Variants in TACC1 observed in about 807,000 individuals in gnomAD.
TACC1 encodes transforming acidic coiled-coil-containing protein 1.
Under a neutral mutation model 84.4 loss-of-function variants are expected in TACC1, and 48 were observed. That is an observed-to-expected ratio of 0.57 (90% CI 0.45 to 0.72). The LOEUF is 0.72. TACC1 is among the 30% of genes least tolerant of loss of function. The pLI, the probability that TACC1 is intolerant of heterozygous loss-of-function variation, is 0.00. For synonymous variants in TACC1, 372 were observed against 376.3 expected (o/e 0.99, Z 0.13); for missense variants, 920 against 973.0 (o/e 0.95, Z 0.72).
chr8:38,733,506 G>C (rs1805373033), intron 1 of TACC1, among the ~76,000 whole-genome samples: 1 of 152,174 alleles, frequency 6.6e-6, no homozygotes, highest in Non-Finnish European at 1.5e-5. Context: ...GTAGTTATCT[G>C]TTCCCTGGTG....
At chr8:38,838,838 T>C (rs949002886) in intron 8 of TACC1, among the ~76,000 whole-genome samples, 3 of 152,140 alleles carry the variant, frequency 2.0e-5, no homozygotes, top group Non-Finnish European at 4.4e-5. Context: ...TATCAAAATA[T>C]CCATTTGGAA....
At chr8:38,768,103 G>A (rs1053352526) in intron 3 of TACC1, among the ~76,000 whole-genome samples, 2 of 149,526 alleles carry the variant, frequency 1.3e-5, no homozygotes, top group Non-Finnish European at 3.0e-5. Flanking sequence ...AAGGAAGGAA[G>A]GAAGGAAGGA....
chr8:38,762,739 CAGAGT>C (rs1811462997), intron 3 of TACC1, among the ~76,000 whole-genome samples: 2 of 151,974 alleles, frequency 1.3e-5, no homozygotes, highest in African/African-American at 4.8e-5. Context: ...TTATTTTTAG[CAGAGT>C]CAAAGTTTTG....
chr8:38,831,437 G>GA (rs1314480713), intron 6 of TACC1, among the ~76,000 whole-genome samples: 3 of 152,190 alleles, frequency 2.0e-5, no homozygotes, highest in Non-Finnish European at 2.9e-5. Flanking sequence ...TACATGTTGA[G>GA]ATGATAATAT....
chr8:38,827,237 A>T lies in TACC1; in HGVS notation c.1522A>T (p.Lys508Ter). ...NRDGHATDEE[K>*]LASTSCGQKS... The stretch of plus-strand genomic sequence containing the variant: ...GGATGGCCATGCTACTGATGAGGAG[A>T]AACTGGCATCCACGTCATGTGGTCA... Residue 508 changes from lysine (K) to a stop codon, truncating the protein, a stop_gained, in exon 5 of 13, where the codon AAA becomes TAA. Coordinates refer to ENST00000317827, the MANE Select transcript of TACC1 (RefSeq NM_006283.3). LOFTEE classifies it high-confidence loss of function. The T allele has an allele frequency of 6.2e-7, 1 of 1,614,184 alleles. No individual in the cohort carries two copies. The highest frequency in any genetic ancestry group is 8.5e-7 in the Non-Finnish European group (1 of 1,180,032).
chr8:38,795,936 A>G (rs765903936), intron 2 of TACC1, among the ~76,000 whole-genome samples: 5 of 152,248 alleles, frequency 3.3e-5, no homozygotes, highest in Admixed American at 6.5e-5. Context: ...TCACAAATGA[A>G]AAATGTATCT....
chr8:38,752,562 G>A (rs1809241887), intron 3 of TACC1, among the ~76,000 whole-genome samples: 1 of 152,114 alleles, frequency 6.6e-6, no homozygotes, highest in Non-Finnish European at 1.5e-5. Flanking sequence ...TTATGTGCGA[G>A]TGGAAACCTT....
At chr8:38,729,334 T>A (rs1804454628) in intron 1 of TACC1, among the ~76,000 whole-genome samples, 1 of 152,224 alleles carries the variant, frequency 6.6e-6, no homozygotes, top group South Asian at 2.1e-4. Flanking sequence ...ACTCAGGTGC[T>A]GTCTTAAACG....
Position 38,820,307 on chromosome 8 carries a change from A to G in TACC1, c.1063A>G (p.Lys355Glu). Residue 355 changes from lysine (K) to glutamate (E), a missense_variant, in exon 3 of 13, where the codon AAA (lysine) becomes GAA (glutamate). Transcript: ENST00000317827. ...LGSTLTPKIQ[K>E]DGISKSAGLE... The stretch of plus-strand genomic sequence containing the variant: ...TAGCACACTGACTCCCAAGATACAA[A>G]AAGATGGCATCAGTAAGTCAGCAGG... 1 of 1,614,186 alleles carries G rather than the reference A, an allele frequency of 6.2e-7. No individual in the cohort carries two copies. Among genetic ancestry groups the G allele is most frequent in the Non-Finnish European group, 8.5e-7 (1 of 1,180,034 alleles).
chr8:38,830,850 C>T (rs1457731260), intron 5 of TACC1, among the ~76,000 whole-genome samples: 5 of 152,174 alleles, frequency 3.3e-5, no homozygotes, highest in Non-Finnish European at 5.9e-5. Context: ...TTTTTCCAAA[C>T]TTTTAATGGA....
rs78928918 is a variant in TACC1, at chr8:38,759,974, T to A, written c.26+14481T>A. Among the ~76,000 whole-genome samples the A allele has an allele frequency of 8.4e-4, 128 of 152,268 alleles. 2 individuals carry two copies. The East Asian group carries it at 0.019, about 23-fold the overall frequency. ...AACATATGGCTGTCATGGATAACGCTGACCTCAAGGAAGTTCTCCTACTGA... is the reference window on the plus strand; with the variant it reads ...AACATATGGCTGTCATGGATAACGCAGACCTCAAGGAAGTTCTCCTACTGA... On this transcript the variant is annotated intron_variant, in intron 3 of 14. Coordinates refer to the TACC1 transcript ENST00000518415.
chr8:38,760,939 C>T (rs1022613972), intron 3 of TACC1, among the ~76,000 whole-genome samples: 2 of 152,202 alleles, frequency 1.3e-5, no homozygotes, highest in African/African-American at 4.8e-5. Flanking sequence ...GAACCAGATG[C>T]CATGCTGGGC....
In TACC1 at chr8:38,831,229, TG is replaced by T. The variant is rs60881058; in HGVS notation, c.1713+53del. On this transcript the variant is annotated intron_variant, in intron 6 of 12. Coordinates refer to ENST00000317827, the MANE Select transcript of TACC1 (RefSeq NM_006283.3). ...GTGGACTCAGGTTTCTTTCAGTATT[TG>T]TTTTGAAGCCCATGTGAATTTGTTA... 2.5e-3 allele frequency: 3,886 copies of T among 1,577,760 alleles called. 78 individuals carry two copies. In the African/African-American group the frequency reaches 0.044, roughly 18 times the overall value.
Position 38,836,237 on chromosome 8 carries a change from T to C in TACC1, c.1789T>C (p.Cys597Arg), listed in dbSNP as rs772974353. 6.2e-7 allele frequency: 1 copy of C among 1,612,920 alleles called. No individual in the cohort carries two copies. The highest frequency in any genetic ancestry group is 1.3e-5 in the African/African-American group (1 of 75,052). Residue 597 changes from cysteine (C) to arginine (R), a missense_variant, in exon 7 of 13, where the codon TGC becomes CGC. By Grantham distance (180) the Cys-to-Arg change is radical (BLOSUM62 -3). Around this residue, in one of 2 missense-constraint regions of TACC1, gnomAD observed 762 missense variants for 747.3 expected, o/e 1.02. Transcript: ENST00000317827. ...AGGTGAGAGCCCCCTGGATGGGATCTGCCTCAGCGAATCAGACAAGACAGC... is the reference window on the plus strand; with the variant it reads ...AGGTGAGAGCCCCCTGGATGGGATCCGCCTCAGCGAATCAGACAAGACAGC... ...CGGESPLDGI[C>R]LSESDKTAVL...
chr8:38,819,620 G>A lies in TACC1; in HGVS notation c.376G>A (p.Ala126Thr), dbSNP rs1279413956. Reference sequence around the variant, plus strand: ...TTCAGAAAATGAAGTGCCACAGCAGGCCATTGACTCTCACTCAGTCAAGAA... The same window carrying A: ...TTCAGAAAATGAAGTGCCACAGCAGACCATTGACTCTCACTCAGTCAAGAA... The part of the protein sequence containing the change: ...KPSENEVPQQ[A>T]IDSHSVKNFR... The change falls in exon 3 of 13, where the codon GCC (alanine) becomes ACC (threonine). Residue 126 changes from alanine to threonine, a missense_variant. Ala to Thr is a moderately conservative substitution (Grantham distance 58, BLOSUM62 0). Transcript: ENST00000317827. 12 of 1,614,086 alleles carry A rather than the reference G, an allele frequency of 7.4e-6. No individual in the cohort carries two copies. The highest frequency in any genetic ancestry group is 5.0e-5 in the Admixed American group (3 of 60,004).
chr8:38,804,319 G>A (rs1030077069), intron 2 of TACC1, among the ~76,000 whole-genome samples: 1 of 151,726 alleles, frequency 6.6e-6, no homozygotes, highest in African/African-American at 2.4e-5. Flanking sequence ...TTCTTTTTGG[G>A]ATGGAATTTC....
chr8:38,772,272 C>G (rs1813793410), intron 3 of TACC1, among the ~76,000 whole-genome samples: 1 of 152,214 alleles, frequency 6.6e-6, no homozygotes, highest in African/African-American at 2.4e-5. Flanking sequence ...TGAATGAGTA[C>G]AGCCTTTCCA....
intron 3 of TACC1, among the ~76,000 whole-genome samples, chr8:38,769,712 T>A (rs1483717742): frequency 7.1e-6 from 1 of 141,744 alleles, no homozygotes; most frequent in Admixed American, 7.0e-5. Context: ...GTGTGTGTGG[T>A]GTGTGTGTGA....
intron 2 of TACC1, among the ~76,000 whole-genome samples, chr8:38,817,660 T>C (rs953082084): frequency 3.3e-5 from 5 of 152,120 alleles, no homozygotes; most frequent in African/African-American, 9.7e-5. Flanking sequence ...GTTAAACATA[T>C]ATTTAAAAGA....
Sources: gnomAD v4.1 joint callset for allele counts (sites outside exome capture counted in the v4.1 genomes callset) on GRCh38, gnomAD v4.1.1 for gene constraint, gnomAD v4.1.1 regional missense constraint, MANE v1.5 for transcripts, NCBI Gene and HGNC (gene_info 2026-07-23, HGNC 2026-07-21) for gene names.